TMEM272: variants seen among roughly 807,000 people sequenced by gnomAD.
TMEM272 encodes long intergenic non-protein coding RNA 282.
A neutral mutation model predicts 3.7 loss-of-function variants in TMEM272; 8 were observed. That is an observed-to-expected ratio of 2.17 (90% CI 1.27 to 3.91). The LOEUF (loss-of-function observed/expected upper bound fraction) is 3.91, where lower values mean the gene tolerates loss of function less well. TMEM272 is among the 30% of genes most tolerant of loss of function. The pLI, the probability that TMEM272 is intolerant of heterozygous loss-of-function variation, is 0.00. For synonymous variants in TMEM272, 63 were observed against 39.8 expected, an observed-to-expected ratio of 1.58 and a Z score of -2.20; for missense variants, 166 against 91.5, an observed-to-expected ratio of 1.81 and a Z score of -3.32.
the TMEM272 span, among the ~76,000 whole-genome samples, chr13:51,875,579 C>T: frequency 3.3e-5 from 5 of 152,178 alleles, no homozygotes; most frequent in Admixed American, 2.6e-4. Context: ...GGAATTCTAC[C>T]CACCTACCCC....
At chr13:51,869,483 A>G in the TMEM272 span, among the ~76,000 whole-genome samples, 1 of 146,750 alleles carries the variant, frequency 6.8e-6, no homozygotes, top group East Asian at 2.0e-4. Flanking sequence ...CCCAGTCCCA[A>G]TTCAGTAATT....
chr13:51,819,660 CAAAG>C (rs760415064), intron 4 of TMEM272, among the ~76,000 whole-genome samples: 4 of 152,130 alleles, frequency 2.6e-5, no homozygotes, highest in Non-Finnish European at 5.9e-5. Context: ...TCCTTGTAGT[CAAAG>C]AATCCTTCCT....
At chr13:51,864,824 C>T in the TMEM272 span, among the ~76,000 whole-genome samples, 1 of 152,298 alleles carries the variant, frequency 6.6e-6, no homozygotes, top group South Asian at 2.1e-4. Context: ...TCGTCTCTCA[C>T]CTTTTTGTTT....
the TMEM272 span, among the ~76,000 whole-genome samples, chr13:51,855,877 T>C: frequency 6.6e-6 from 1 of 152,162 alleles, no homozygotes; most frequent in African/African-American, 2.4e-5. Flanking sequence ...TGTCCAAGAA[T>C]GTCCTAAAAG....
At chr13:51,844,080 T>C (rs77970402) in intron 1 of TMEM272, among the ~76,000 whole-genome samples, 4,734 of 152,254 alleles carry the variant, frequency 0.031, 106 homozygotes, top group Admixed American at 0.079. Flanking sequence ...TGCTCCAAAA[T>C]GTCAATAGGA....
chr13:51,888,825 T>C, the TMEM272 span, among the ~76,000 whole-genome samples: 1 of 151,924 alleles, frequency 6.6e-6, no homozygotes, highest in African/African-American at 2.4e-5. Context: ...TTTTGTATTT[T>C]TAGTAGAGAT....
chr13:51,881,089 A>T, the TMEM272 span, among the ~76,000 whole-genome samples: 1 of 152,216 alleles, frequency 6.6e-6, no homozygotes, highest in Non-Finnish European at 1.5e-5. Flanking sequence ...ATAAGCCAGT[A>T]ACAATCACCA....
the TMEM272 span, among the ~76,000 whole-genome samples, chr13:51,857,245 TAA>T: frequency 1.1e-4 from 15 of 142,808 alleles, no homozygotes; most frequent in Admixed American, 2.1e-4. Flanking sequence ...TAGCTGGCAT[TAA>T]AAAAAAAAAA....
At chr13:51,919,720 G>A in the TMEM272 span, among the ~76,000 whole-genome samples, 10 of 152,284 alleles carry the variant, frequency 6.6e-5, no homozygotes, top group Non-Finnish European at 1.2e-4. Context: ...GCTGTGTCCC[G>A]AGCAAACGGT....
chr13:51,855,384 G>A, the TMEM272 span, among the ~76,000 whole-genome samples: 4 of 152,142 alleles, frequency 2.6e-5, no homozygotes, highest in Non-Finnish European at 5.9e-5. Flanking sequence ...ATGCTGAAGA[G>A]CCTCAGAATA....
At chr13:51,865,427 G>C in the TMEM272 span, 308 of 1,611,854 alleles carry the variant, frequency 1.9e-4, 2 homozygotes, top group South Asian at 1.6e-3. Context: ...TTCCTTCAAG[G>C]TGAGCAGATG....
the TMEM272 span, among the ~76,000 whole-genome samples, chr13:51,922,957 C>A: frequency 6.6e-6 from 1 of 152,224 alleles, no homozygotes; most frequent in Non-Finnish European, 1.5e-5. Flanking sequence ...TGTCAAGACC[C>A]TTAATCACAT....
the TMEM272 span, among the ~76,000 whole-genome samples, chr13:51,920,573 T>C: frequency 3.9e-5 from 6 of 152,174 alleles, no homozygotes. Context: ...CCCTCCATCC[T>C]ACCCATGTGC....
chr13:51,897,303 A>T, the TMEM272 span, among the ~76,000 whole-genome samples: 1 of 147,742 alleles, frequency 6.8e-6, no homozygotes, highest in Admixed American at 6.8e-5. Context: ...TCAAGCAACC[A>T]TCCTATCTCA....
At chr13:51,903,936 C>A in the TMEM272 span, among the ~76,000 whole-genome samples, 1 of 17,386 alleles carries the variant, frequency 5.8e-5, no homozygotes. Context: ...CTCCAACAGT[C>A]TTCCACGTGT....
the TMEM272 span, among the ~76,000 whole-genome samples, chr13:51,883,817 C>T: frequency 3.3e-5 from 5 of 152,216 alleles, no homozygotes; most frequent in African/African-American, 9.6e-5. Context: ...TGTGCCTACA[C>T]CTGGCTTGTG....
the TMEM272 span, among the ~76,000 whole-genome samples, chr13:51,921,069 G>C: frequency 6.6e-6 from 1 of 152,234 alleles, no homozygotes; most frequent in African/African-American, 2.4e-5. Flanking sequence ...AGAGCTTGCT[G>C]TATCAGGAGG....
the TMEM272 span, among the ~76,000 whole-genome samples, chr13:51,862,904 G>A: frequency 3.3e-5 from 5 of 152,308 alleles, no homozygotes; most frequent in East Asian, 1.9e-4. Context: ...TATAGGCGGC[G>A]TTATATTATG....
At chr13:51,890,595 T>C in the TMEM272 span, among the ~76,000 whole-genome samples, 1 of 152,180 alleles carries the variant, frequency 6.6e-6, no homozygotes, top group Non-Finnish European at 1.5e-5. Flanking sequence ...CCTCAGGTAT[T>C]CCTTTATAGC....
Sources: allele counts gnomAD v4.1 joint callset (sites outside exome capture counted in the v4.1 genomes callset), GRCh38; gene constraint gnomAD v4.1.1; transcripts MANE v1.5; gene names NCBI Gene and HGNC (gene_info 2026-07-23, HGNC 2026-07-21).